Variants in SLC25A23 observed in about 807,000 individuals in gnomAD.
The protein encoded by SLC25A23 is solute carrier family 25 member 23.
SLC25A23 carries 32 observed loss-of-function variants against 53.9 expected under a neutral mutation model. The observed-to-expected ratio is 0.59, with a 90% CI of 0.45 to 0.80. The LOEUF is 0.80. Ranked by LOEUF, SLC25A23 falls within the 30% of genes least tolerant of loss-of-function variation. The probability of loss-of-function intolerance (pLI) is 0.00; values close to 1 mark genes in which losing one functional copy is unlikely to be tolerated. For synonymous variants in SLC25A23, 275 were observed against 264.5 expected (o/e 1.04, Z -0.38); for missense variants, 575 against 651.4 (o/e 0.88, Z 1.28).
intron 7 of SLC25A23, among the ~76,000 whole-genome samples, chr19:6,453,359 C>T (rs2092622160): frequency 6.6e-6 from 1 of 151,184 alleles, no homozygotes; most frequent in African/African-American, 2.4e-5. Context: ...CCTGCCTCAG[C>T]TTCCTAAGTG....
Position 6,457,127 on chromosome 19 carries a change from C to CT in SLC25A23, c.371+375dup, listed in dbSNP as rs1394764583. Reference sequence around the variant, plus strand: ...GTCACCCTGGTTAGAGTGTCCTGGCCTGATCTTGGCTCACTGCAACCTCCA... The same window carrying CT: ...GTCACCCTGGTTAGAGTGTCCTGGCCTTGATCTTGGCTCACTGCAACCTCCA... On this transcript the variant is annotated intron_variant, in intron 3 of 9. Coordinates refer to ENST00000301454, the MANE Select transcript of SLC25A23 (RefSeq NM_024103.3). 3.4e-5 allele frequency among the ~76,000 whole-genome samples: 5 copies of CT among 148,634 alleles called. No individual in the cohort carries two copies. In the East Asian group the frequency reaches 9.9e-4, roughly 29 times the overall value.
At chr19:6,439,401 A>T (rs200981157), downstream of SLC25A23, among the ~76,000 whole-genome samples, 439 of 100,806 alleles carry the variant, frequency 4.4e-3, no homozygotes, top group East Asian at 0.014. Flanking sequence ...TCTCTCTCTC[A>T]CACACACACA....
chr19:6,456,037 C>A (rs566802516), intron 4 of SLC25A23: 1 of 1,310,506 alleles, frequency 7.6e-7, no homozygotes, highest in Admixed American at 2.3e-5. Context: ...GGTTTTTGAA[C>A]GATTCTGTTC....
intron 8 of SLC25A23, among the ~76,000 whole-genome samples, chr19:6,450,646 G>A (rs1279922364): frequency 3.3e-5 from 5 of 152,198 alleles, no homozygotes; most frequent in African/African-American, 1.2e-4. Flanking sequence ...GTGAGCAACG[G>A]TCTTGTCTCA....
At chr19:6,439,686 C>T (rs780655078), downstream of SLC25A23, among the ~76,000 whole-genome samples, 15 of 151,570 alleles carry the variant, frequency 9.9e-5, no homozygotes, top group Middle Eastern at 3.4e-3. Context: ...AAAAATTAGC[C>T]GGGCGTGGTG....
Position 6,442,171 on chromosome 19 carries a change from C to CGGGGTGGGGGG in SLC25A23, c.1223-13_1223-12insCCCCCCACCCC. On this transcript the variant is annotated splice_polypyrimidine_tract_variant and intron_variant, in intron 9 of 9. Coordinates refer to ENST00000301454, the MANE Select transcript of SLC25A23 (RefSeq NM_024103.3). ...ACCCTCGATGGAGGCTGGGAGGGGG[C>CGGGGTGGGGGG]GGGGGGGGCACCAGGTAAGGCCAAC... 23 of 597,798 alleles carry CGGGGTGGGGGG rather than the reference C, an allele frequency of 3.8e-5. No individual in the cohort carries two copies. The highest frequency in any genetic ancestry group is 5.7e-5 in the Non-Finnish European group (22 of 384,680). 37.0% of individuals were successfully genotyped at this position (597,798 alleles called of 1,614,324 possible). A position where few individuals can be genotyped will look rare whatever the true frequency, so the allele number is the denominator to read the frequency against.
Position 6,441,660 on chromosome 19 carries a change from T to C in SLC25A23, c.*315A>G, listed in dbSNP as rs2092422591. Reference sequence around the variant, plus strand: ...ATTAAGGGCTGGGGTGTGGATAATCTTGAATCTTGTGGTTAGGGTAGCAGA... The same window carrying C: ...ATTAAGGGCTGGGGTGTGGATAATCCTGAATCTTGTGGTTAGGGTAGCAGA... On this transcript the variant is annotated 3_prime_UTR_variant, in exon 10 of 10. Coordinates refer to ENST00000301454, the MANE Select transcript of SLC25A23 (RefSeq NM_024103.3). The C allele has an allele frequency of 5.1e-6, 2 of 389,242 alleles. No homozygotes were observed. The highest frequency in any genetic ancestry group is 2.4e-5 in the South Asian group (1 of 41,480). The allele number at this position is 389,242 out of a possible 1,614,324, so 24.1% of individuals were successfully genotyped here. A position where few individuals can be genotyped will look rare whatever the true frequency, so the allele number is the denominator to read the frequency against.
At chr19:6,458,378 A>AG in intron 1 of SLC25A23, 54 bp from the exon 2 acceptor site, 3 of 1,586,056 alleles carry the variant, frequency 1.9e-6, no homozygotes, top group Non-Finnish European at 2.6e-6. Context: ...CCTGATCTGG[A>AG]GGGGACGCAT....
Position 6,454,711 on chromosome 19 carries a change from C to A in SLC25A23, c.490G>T (p.Asp164Tyr), listed in dbSNP as rs374180459. The change falls in exon 5 of 10, where the codon GAC (aspartate) becomes TAC (tyrosine). Residue 164 changes from aspartate (D) to tyrosine (Y), a missense_variant. Asp to Tyr is a radical substitution (Grantham distance 160). Transcript: ENST00000301454. This position sits in a 1 kb window ranked among gnomAD's most constrained non-coding sequence, Gnocchi z 4.3. ...LYFWKHSTVL[D>Y]IGECLTVPDE... ...GGCACTGTCAGGCACTCGCCAATGTCCAGGACCTAAAGATACAGGTGTTGG... is the reference window on the plus strand; with the variant it reads ...GGCACTGTCAGGCACTCGCCAATGTACAGGACCTAAAGATACAGGTGTTGG... The A allele has an allele frequency of 6.2e-7, 1 of 1,613,864 alleles. No homozygotes were observed. Among genetic ancestry groups the A allele is most frequent in the Non-Finnish European group, 8.5e-7 (1 of 1,179,958 alleles).
chr19:6,449,904 T>C (rs1206554227), intron 8 of SLC25A23, among the ~76,000 whole-genome samples: 2 of 143,116 alleles, frequency 1.4e-5, no homozygotes, highest in Non-Finnish European at 3.0e-5. Context: ...CTCTGTCACC[T>C]GTGCAGTGCA....
intron 7 of SLC25A23, 193 bp from the exon 8 acceptor site, chr19:6,452,672 C>T: frequency 1.7e-6 from 1 of 591,484 alleles, no homozygotes; most frequent in Non-Finnish European, 2.8e-6. Context: ...TACCAAAGTG[C>T]ACACATGTGG....
chr19:6,450,148 G>A (rs763740938), intron 8 of SLC25A23, among the ~76,000 whole-genome samples: 5 of 151,756 alleles, frequency 3.3e-5, no homozygotes, highest in African/African-American at 4.8e-5. Flanking sequence ...GTGAGCCACC[G>A]TGACCGGCCT....
chr19:6,457,443 G>A, intron 3 of SLC25A23, 60 bp downstream of exon 3: 2 of 1,471,982 alleles, frequency 1.4e-6, no homozygotes, highest in South Asian at 2.3e-5. Flanking sequence ...AGAAGACAGA[G>A]ATGGCCAAGG....
rs1398254647 is a variant in SLC25A23, at chr19:6,457,501, A to G, written c.371+2T>C. ...TTGGATTCCAGACCCCCAGCGACTCACCTGTGCAAAATTTTCTCAGCCTGC... is the reference window on the plus strand; with the variant it reads ...TTGGATTCCAGACCCCCAGCGACTCGCCTGTGCAAAATTTTCTCAGCCTGC... On this transcript the variant is annotated splice_donor_variant, in intron 3 of 9. Transcript: ENST00000301454. LOFTEE classifies it high-confidence loss of function. 6.2e-7 allele frequency: 1 copy of G among 1,613,708 alleles called. No individual in the cohort carries two copies. Among genetic ancestry groups the G allele is most frequent in the Admixed American group, 1.7e-5 (1 of 59,966 alleles).
chr19:6,442,269 GT>G, intron 9 of SLC25A23, 110 bp from the exon 10 acceptor site: 1 of 719,704 alleles, frequency 1.4e-6, no homozygotes, highest in Non-Finnish European at 2.2e-6. Context: ...AGGGAAGGAG[GT>G]TAGACTAACA....
At chr19:6,443,039 A>G (rs2092447128) in intron 9 of SLC25A23, among the ~76,000 whole-genome samples, 1 of 150,790 alleles carries the variant, frequency 6.6e-6, no homozygotes, top group African/African-American at 2.4e-5. Context: ...GCTGGGTTCA[A>G]GTGATTCTCC....
intron 4 of SLC25A23, chr19:6,455,867 T>C (rs144427278): frequency 0.025 from 10,942 of 443,062 alleles, 206 homozygotes; most frequent in Non-Finnish European, 0.034. Flanking sequence ...TACAGGTGCC[T>C]GCCACTACAC....
Position 6,457,555 on chromosome 19 carries a change from G to A in SLC25A23, c.319C>T (p.Arg107Ter), listed in dbSNP as rs751796266. Residue 107 changes from arginine (R) to a stop codon, truncating the protein, a stop_gained, in exon 3 of 10, where the codon CGA (arginine) becomes TGA (stop). Transcript: ENST00000301454. LOFTEE classifies it high-confidence loss of function. ...IDVSEIQQSF[R>*]ALGISISLEQ... ...AGCGAGATGGAAATGCCCAGAGCTC[G>A]GAAACTCTGTTGGATCTCAGAGACA... 1.7e-5 allele frequency: 27 copies of A among 1,613,906 alleles called. No individual in the cohort carries two copies. The highest frequency in any genetic ancestry group is 4.5e-5 in the East Asian group (2 of 44,898).
intron 9 of SLC25A23, chr19:6,443,610 G>A (rs1379220722): frequency 1.4e-6 from 1 of 702,688 alleles, no homozygotes; most frequent in Non-Finnish European, 2.6e-6. Flanking sequence ...TCCGGCCTGT[G>A]AGCTCTATGA....
Sources: allele counts gnomAD v4.1 joint callset (sites outside exome capture counted in the v4.1 genomes callset), GRCh38; gene constraint gnomAD v4.1.1; non-coding constraint Gnocchi (gnomAD v3.1); transcripts MANE v1.5; gene names NCBI Gene and HGNC (gene_info 2026-07-23, HGNC 2026-07-21).